Variants in NAALADL2 observed in about 807,000 individuals in gnomAD.
The protein encoded by NAALADL2 is N-acetylated alpha-linked acidic dipeptidase like 2, also known as inactive N-acetylated-alpha-linked acidic dipeptidase-like protein 2.
Under a neutral mutation model 87.2 loss-of-function variants are expected in NAALADL2, and 76 were observed. The ratio of observed to expected loss-of-function variants is 0.87; its 90% CI spans 0.72 to 1.05. NAALADL2 has a LOEUF of 1.05. NAALADL2 is among the 50% of genes least tolerant of loss of function. NAALADL2 has a pLI of 0.00. For synonymous variants in NAALADL2, 354 were observed against 331.0 expected (o/e 1.07, Z -0.75); for missense variants, 1,089 against 945.8 (o/e 1.15, Z -1.99).
At chr3:175,711,607 AAG>A (rs1034430031) in intron 11 of NAALADL2, among the ~76,000 whole-genome samples, 1 of 151,872 alleles carries the variant, frequency 6.6e-6, no homozygotes, top group African/African-American at 2.4e-5. Context: ...ATATGTGAAG[AAG>A]AGTTTACTCA....
chr3:175,280,800 C>T (rs938256088), intron 4 of NAALADL2, among the ~76,000 whole-genome samples: 1 of 151,954 alleles, frequency 6.6e-6, no homozygotes, highest in Non-Finnish European at 1.5e-5. Context: ...ATGTCTGTTC[C>T]CCTCCAAACA....
intron 9 of NAALADL2, among the ~76,000 whole-genome samples, chr3:175,529,046 C>G (rs1437750844): frequency 6.6e-6 from 1 of 152,186 alleles, no homozygotes; most frequent in African/African-American, 2.4e-5. Flanking sequence ...CCTGAAGGGT[C>G]TGGGCCATTT....
At chr3:175,670,106 A>C (rs1036820892) in intron 11 of NAALADL2, among the ~76,000 whole-genome samples, 1 of 151,984 alleles carries the variant, frequency 6.6e-6, no homozygotes, top group Non-Finnish European at 1.5e-5. Context: ...ATCTATTATT[A>C]TTATCTCATT....
At chr3:174,608,727 C>CA (rs1284797823) in intron 2 of NAALADL2, among the ~76,000 whole-genome samples, 1 of 148,820 alleles carries the variant, frequency 6.7e-6, no homozygotes, top group East Asian at 1.9e-4. Flanking sequence ...CGAATTCTAC[C>CA]AGAGGTACAA....
chr3:175,624,646 C>T (rs1252084948), intron 10 of NAALADL2, among the ~76,000 whole-genome samples: 1 of 151,920 alleles, frequency 6.6e-6, no homozygotes, highest in Non-Finnish European at 1.5e-5. Flanking sequence ...GCTAATGACA[C>T]ATGGTATGTA....
intron 1 of NAALADL2, among the ~76,000 whole-genome samples, chr3:175,028,972 G>T (rs1411596409): frequency 6.7e-6 from 1 of 150,242 alleles, no homozygotes; most frequent in Non-Finnish European, 1.5e-5. Flanking sequence ...TAGTGTTGTA[G>T]ATTTATTTAA....
intron 1 of NAALADL2, among the ~76,000 whole-genome samples, chr3:175,076,875 A>G (rs1033751598): frequency 2.0e-5 from 3 of 152,230 alleles, no homozygotes; most frequent in Non-Finnish European, 2.9e-5. Flanking sequence ...ATATAGTTCT[A>G]TAGCACAAGT....
chr3:175,203,207 G>A (rs914786093), intron 2 of NAALADL2, among the ~76,000 whole-genome samples: 7 of 152,050 alleles, frequency 4.6e-5, no homozygotes, highest in African/African-American at 1.7e-4. Flanking sequence ...TCTCCCTGTG[G>A]TGTTTCCTGC....
At chr3:175,441,872 A>G (rs1393192893) in intron 5 of NAALADL2, among the ~76,000 whole-genome samples, 2 of 152,028 alleles carry the variant, frequency 1.3e-5, no homozygotes, top group Non-Finnish European at 2.9e-5. Context: ...GAGATTTCTC[A>G]TCTCTGAAGG....
intron 9 of NAALADL2, among the ~76,000 whole-genome samples, chr3:175,553,131 T>C (rs1307439437): frequency 6.6e-6 from 1 of 152,152 alleles, no homozygotes; most frequent in Non-Finnish European, 1.5e-5. Context: ...GAGCATGATG[T>C]CAAGGTCCCA....
intron 5 of NAALADL2, among the ~76,000 whole-genome samples, chr3:175,363,493 T>C (rs1243014889): frequency 2.7e-5 from 4 of 147,566 alleles, no homozygotes; most frequent in Non-Finnish European, 4.5e-5. Flanking sequence ...TTTTATGAGA[T>C]AGAATCTTCC....
At chr3:175,472,143 C>G (rs566316738) in intron 9 of NAALADL2, among the ~76,000 whole-genome samples, 1 of 150,814 alleles carries the variant, frequency 6.6e-6, no homozygotes, top group African/African-American at 2.4e-5. Context: ...AAATGTGAGA[C>G]CTGTCCTATC....
chr3:175,254,996 C>A (rs903646649), intron 3 of NAALADL2, among the ~76,000 whole-genome samples: 13 of 152,210 alleles, frequency 8.5e-5, no homozygotes, highest in Admixed American at 8.5e-4. Flanking sequence ...ATGCTGGACA[C>A]CTGGGCGAGT....
chr3:175,452,487 C>T (rs1367455631), intron 6 of NAALADL2, among the ~76,000 whole-genome samples: 1 of 152,056 alleles, frequency 6.6e-6, no homozygotes, highest in Non-Finnish European at 1.5e-5. Context: ...TAGGCTTTTC[C>T]AATCAACATG....
chr3:174,973,080 C>A (rs886981867), intron 1 of NAALADL2, among the ~76,000 whole-genome samples: 6 of 151,740 alleles, frequency 4.0e-5, no homozygotes, highest in African/African-American at 1.2e-4. Context: ...TGTTTTTAAC[C>A]TCCATTATGG....
intron 2 of NAALADL2, among the ~76,000 whole-genome samples, chr3:174,730,574 C>T (rs572545506): frequency 4.3e-4 from 65 of 152,174 alleles, no homozygotes; most frequent in African/African-American, 1.5e-3. Flanking sequence ...CTATAGAGAA[C>T]TAACGGATAT....
intron 13 of NAALADL2, among the ~76,000 whole-genome samples, chr3:175,775,697 G>T (rs1750135666): frequency 6.6e-6 from 1 of 152,030 alleles, no homozygotes; most frequent in Admixed American, 6.6e-5. Context: ...GGATGAAATT[G>T]CTTTGGGCAC....
At chr3:175,565,975 G>T (rs1269718533) in intron 9 of NAALADL2, among the ~76,000 whole-genome samples, 1 of 151,798 alleles carries the variant, frequency 6.6e-6, no homozygotes, top group African/African-American at 2.4e-5. Context: ...GATTACAGGT[G>T]CATGCCACTA....
intron 11 of NAALADL2, among the ~76,000 whole-genome samples, chr3:175,661,070 C>T (rs538790486): frequency 1.3e-5 from 2 of 152,036 alleles, no homozygotes; most frequent in Non-Finnish European, 2.9e-5. Context: ...GAAGAACCCC[C>T]ATACTCTATT....
Sources: gnomAD v4.1 joint callset for allele counts (sites outside exome capture counted in the v4.1 genomes callset) on GRCh38, gnomAD v4.1.1 for gene constraint, MANE v1.5 for transcripts, NCBI Gene and HGNC (gene_info 2026-07-23, HGNC 2026-07-21) for gene names.